NSMAF: variants seen among roughly 807,000 people sequenced by gnomAD.
NSMAF encodes protein FAN.
In NSMAF, 90 loss-of-function variants were observed where a neutral mutation model predicts 134.9. That is an observed-to-expected ratio of 0.67 (90% CI 0.56 to 0.79). The LOEUF (loss-of-function observed/expected upper bound fraction) is 0.79, where lower values mean the gene tolerates loss of function less well. NSMAF is among the 30% of genes least tolerant of loss of function. NSMAF has a pLI of 0.00. For synonymous variants in NSMAF, 358 were observed against 389.6 expected (o/e 0.92, Z 0.96); for missense variants, 1,010 against 1,119.0 (o/e 0.90, Z 1.39).
intron 26 of NSMAF, chr8:58,588,533 C>G: frequency 3.3e-6 from 4 of 1,229,544 alleles, no homozygotes; most frequent in Non-Finnish European, 4.7e-6. Context: ...CTGTGAATTG[C>G]ACAACTCACA....
intron 1 of NSMAF, among the ~76,000 whole-genome samples, chr8:58,645,750 A>T (rs1807433962): frequency 6.6e-6 from 1 of 152,204 alleles, no homozygotes; most frequent in Admixed American, 6.5e-5. Flanking sequence ...TCATCAAAAA[A>T]AAATAATAGG....
At chr8:58,600,324 C>T (rs552188258) in intron 16 of NSMAF, 4 of 335,290 alleles carry the variant, frequency 1.2e-5, no homozygotes, top group African/African-American at 6.4e-5. Context: ...TGCCTCCACA[C>T]TGAAAGATTA....
intron 26 of NSMAF, chr8:58,588,740 C>T: frequency 2.1e-6 from 3 of 1,433,600 alleles, no homozygotes; most frequent in Non-Finnish European, 2.9e-6. Context: ...TTGGCACGAC[C>T]ATTGTTCCTT....
chr8:58,618,125 C>T (rs1806704523), intron 9 of NSMAF, among the ~76,000 whole-genome samples: 1 of 152,104 alleles, frequency 6.6e-6, no homozygotes, highest in Non-Finnish European at 1.5e-5. Context: ...ATCACTTGGA[C>T]ACAGGGCGAG....
intron 2 of NSMAF, among the ~76,000 whole-genome samples, chr8:58,637,036 ACACACC>A (rs763677016): frequency 1.5e-3 from 234 of 151,440 alleles, no homozygotes; most frequent in African/African-American, 5.5e-3. Flanking sequence ...ACACACACAC[ACACACC>A]CACACACAAA....
At chr8:58,635,913 C>A (rs540552612) in intron 2 of NSMAF, among the ~76,000 whole-genome samples, 1 of 152,240 alleles carries the variant, frequency 6.6e-6, no homozygotes, top group South Asian at 2.1e-4. Context: ...AGTAACACTG[C>A]CTGTTCTTTT....
intron 1 of NSMAF, among the ~76,000 whole-genome samples, chr8:58,652,071 T>C (rs1244912738): frequency 6.6e-6 from 1 of 152,116 alleles, no homozygotes; most frequent in African/African-American, 2.4e-5. Flanking sequence ...TGGACTTGGA[T>C]CAGAGAACAT....
At chr8:58,584,522 G>A (rs1805841468) in intron 30 of NSMAF, among the ~76,000 whole-genome samples, 1 of 152,218 alleles carries the variant, frequency 6.6e-6, no homozygotes, top group Admixed American at 6.5e-5. Context: ...AAAGTTGGGA[G>A]ACAGATGTGA....
At chr8:58,634,879 C>T (rs553870671) in intron 5 of NSMAF, among the ~76,000 whole-genome samples, 10 of 152,274 alleles carry the variant, frequency 6.6e-5, no homozygotes, top group Admixed American at 2.6e-4. Flanking sequence ...TGGCAATGGA[C>T]TCTCACCTTC....
chr8:58,623,622 G>A (rs1806843356), intron 7 of NSMAF, 87 bp downstream of exon 7: 3 of 1,202,342 alleles, frequency 2.5e-6, no homozygotes, highest in Admixed American at 4.1e-5. Context: ...AACAGATGAT[G>A]ATTTGGGTAA....
At position 58,597,379 on chromosome 8, in the gene NSMAF, A is replaced by G; in HGVS notation, c.1792+8T>C. The G allele has an allele frequency of 6.2e-7, 1 of 1,612,086 alleles. No homozygotes were observed. The highest frequency in any genetic ancestry group is 8.5e-7 in the Non-Finnish European group (1 of 1,178,990). ...GGTGCTCACGTTTATTCTCTTTACAAAATTTACCTGGGGAATCTGCCATAG... is the reference window on the plus strand; with the variant it reads ...GGTGCTCACGTTTATTCTCTTTACAGAATTTACCTGGGGAATCTGCCATAG... On this transcript the variant is annotated splice_region_variant and intron_variant, in intron 21 of 30. Transcript: ENST00000038176.
intron 9 of NSMAF, among the ~76,000 whole-genome samples, chr8:58,622,174 A>G (rs932074957): frequency 1.6e-4 from 24 of 152,150 alleles, no homozygotes; most frequent in African/African-American, 4.1e-4. Flanking sequence ...TCTAGTTTCA[A>G]TCTTGAAGAA....
chr8:58,585,317 G>GTTTTTTTTTTT (rs571525208), intron 30 of NSMAF, among the ~76,000 whole-genome samples: 62 of 144,354 alleles, frequency 4.3e-4, no homozygotes, highest in African/African-American at 1.5e-3. Context: ...TTGTTTCTGG[G>GTTTTTTTTTTT]TTTTTTTTTT....
intron 21 of NSMAF, among the ~76,000 whole-genome samples, chr8:58,596,730 C>A (rs1806143521): frequency 6.6e-6 from 1 of 152,016 alleles, no homozygotes; most frequent in South Asian, 2.1e-4. Context: ...GAGATCGAGA[C>A]CATCCTGGCT....
chr8:58,653,768 T>TAGC (rs1220674046), intron 1 of NSMAF, among the ~76,000 whole-genome samples: 1 of 152,096 alleles, frequency 6.6e-6, no homozygotes, highest in Non-Finnish European at 1.5e-5. Flanking sequence ...AGAAGAAAAA[T>TAGC]AGCACTGAAT....
chr8:58,604,091 C>T (rs1413577807), intron 12 of NSMAF, among the ~76,000 whole-genome samples: 1 of 152,166 alleles, frequency 6.6e-6, no homozygotes, highest in Non-Finnish European at 1.5e-5. Context: ...GAAAATTCTG[C>T]TTTCAACCTT....
intron 16 of NSMAF, among the ~76,000 whole-genome samples, chr8:58,600,621 CAAAAAAAA>C (rs35209612): frequency 2.2e-5 from 1 of 44,682 alleles, no homozygotes; most frequent in African/African-American, 8.8e-5. Context: ...GACTCTGTCT[CAAAAAAAA>C]AAAAAAAAAA....
In NSMAF at chr8:58,607,773, G is replaced by A; in HGVS notation, c.755C>T (p.Pro252Leu). The change falls in exon 11 of 31, where the codon CCT becomes CTT. Residue 252 changes from proline to leucine, a missense_variant. Pro to Leu is a moderately conservative substitution (Grantham distance 98). Coordinates refer to ENST00000038176, the MANE Select transcript of NSMAF (RefSeq NM_003580.4). Reference protein sequence around the residue: ...RIYKRRHGLMPLGLEVFCTED... With the variant: ...RIYKRRHGLMLLGLEVFCTED... The stretch of plus-strand genomic sequence containing the variant: ...CACAGCCTCCCAAGGACTCACCAGA[G>A]GCATGAGGCCGTGCCTCCTTTTGTA... 2.5e-6 allele frequency: 4 copies of A among 1,613,386 alleles called. No individual in the cohort carries two copies. The highest frequency in any genetic ancestry group is 3.4e-6 in the Non-Finnish European group (4 of 1,179,268).
At position 58,659,760 on chromosome 8, in the gene NSMAF, T is replaced by G; in HGVS notation, c.-129A>C. On this transcript the variant is annotated 5_prime_UTR_variant, in exon 1 of 31. Coordinates refer to ENST00000038176, the MANE Select transcript of NSMAF (RefSeq NM_003580.4). ...GGAGCGCGCGGCTGCCGGCCTGGCT[T>G]CCCCTGCGGCGCCGCTGGGCGGCCG... is the stretch of plus-strand genomic sequence containing the variant. The G allele has an allele frequency of 1.5e-6, 1 of 654,144 alleles. No individual in the cohort carries two copies. The allele number at this position is 654,144 out of a possible 1,614,324, so 40.5% of individuals were successfully genotyped here. A position where few individuals can be genotyped will look rare whatever the true frequency, so the allele number is the denominator to read the frequency against.
Sources: gnomAD v4.1 joint callset for allele counts (sites outside exome capture counted in the v4.1 genomes callset) on GRCh38, gnomAD v4.1.1 for gene constraint, MANE v1.5 for transcripts, NCBI Gene and HGNC (gene_info 2026-07-23, HGNC 2026-07-21) for gene names.